The following RBM6 variants were observed in gnomAD, a reference collection of about 807,000 sequenced individuals.
RBM6 encodes RNA binding motif protein 6.
In RBM6, 23 loss-of-function variants were observed where a neutral mutation model predicts 140.4. The ratio of observed to expected loss-of-function variants is 0.16; its 90% CI spans 0.12 to 0.23. The LOEUF is 0.23. RBM6 is among the 10% of genes least tolerant of loss of function. RBM6 has a pLI of 1.00. For missense variants in RBM6, 1,139 were observed against 1,386.7 expected, an observed-to-expected ratio of 0.82 and a Z score of 2.84; for synonymous variants, 439 against 475.6, an observed-to-expected ratio of 0.92 and a Z score of 1.00.
intron 7 of RBM6, among the ~76,000 whole-genome samples, chr3:50,053,598 G>T (rs2089570215): frequency 6.6e-6 from 1 of 151,144 alleles, no homozygotes; most frequent in South Asian, 2.1e-4. Context: ...AACTCCATCT[G>T]GCAGACCTTT....
Position 50,066,223 on chromosome 3 carries a change from C to T in RBM6, c.2683-19C>T, listed in dbSNP as rs1362005598. ...ATATAGGTTGAATTTGGTATTGATC[C>T]CTGGCCTTCTCCTTCCAGCCTAAAG... On this transcript the variant is annotated intron_variant, in intron 16 of 20. Coordinates refer to ENST00000266022, the MANE Select transcript of RBM6 (RefSeq NM_005777.3). 3.1e-6 allele frequency: 5 copies of T among 1,600,104 alleles called. No individual in the cohort carries two copies. The highest frequency in any genetic ancestry group is 4.3e-6 in the Non-Finnish European group (5 of 1,171,692).
intron 5 of RBM6, among the ~76,000 whole-genome samples, chr3:49,994,131 A>G (rs2085958605): frequency 6.6e-6 from 1 of 152,202 alleles, no homozygotes; most frequent in Non-Finnish European, 1.5e-5. Context: ...TAGGCCAGTC[A>G]TGGCTCACTG....
intron 6 of RBM6, among the ~76,000 whole-genome samples, chr3:50,043,370 C>G (rs2089034693): frequency 6.6e-6 from 1 of 151,510 alleles, no homozygotes; most frequent in African/African-American, 2.4e-5. Context: ...GTAATCCCAG[C>G]TACTTGGGAG....
chr3:49,973,198 G>T (rs192784649), intron 4 of RBM6, among the ~76,000 whole-genome samples: 73 of 152,084 alleles, frequency 4.8e-4, no homozygotes, highest in Admixed American at 2.9e-3. Context: ...GCACAATCAC[G>T]GCTCACTGCA....
intron 6 of RBM6, among the ~76,000 whole-genome samples, chr3:50,015,046 CAAAAAAAA>C (rs71080566): frequency 1.5e-4 from 8 of 52,854 alleles, no homozygotes; most frequent in Admixed American, 3.0e-4. Flanking sequence ...GAGACTGTCT[CAAAAAAAA>C]AAAAAAAAAA....
At chr3:50,025,004 C>A (rs2624845) in intron 6 of RBM6, among the ~76,000 whole-genome samples, 95,722 of 149,028 alleles carry the variant, frequency 0.64, 31,313 homozygotes, top group East Asian at 0.88. Context: ...AAACAAAAAA[C>A]AAAAAACAAG....
intron 5 of RBM6, among the ~76,000 whole-genome samples, chr3:49,982,590 A>AT (rs944703000): frequency 3.3e-5 from 5 of 150,066 alleles, no homozygotes; most frequent in East Asian, 2.0e-4. Context: ...AATTTTTTGT[A>AT]TTTTTTTAGT....
At chr3:50,072,645 C>T (rs1242052310) in intron 19 of RBM6, among the ~76,000 whole-genome samples, 1 of 152,150 alleles carries the variant, frequency 6.6e-6, no homozygotes, top group Non-Finnish European at 1.5e-5. Context: ...AAAATACTTT[C>T]TTACCAGGTA....
chr3:50,062,397 A>G (rs955972859), intron 15 of RBM6, among the ~76,000 whole-genome samples: 1 of 151,806 alleles, frequency 6.6e-6, no homozygotes, highest in Non-Finnish European at 1.5e-5. Context: ...CCAGCTACTC[A>G]GGAGGCTGAG....
chr3:50,074,236 T>G (rs2090392257), intron 19 of RBM6, among the ~76,000 whole-genome samples: 1 of 152,204 alleles, frequency 6.6e-6, no homozygotes, highest in Non-Finnish European at 1.5e-5. Flanking sequence ...ACTCCTTATT[T>G]CGAGATCCAA....
In RBM6 at chr3:50,077,183, C is replaced by T. The variant is rs2090489397; in HGVS notation, c.*50C>T. On this transcript the variant is annotated 3_prime_UTR_variant, in exon 21 of 21. Transcript: ENST00000266022. The stretch of plus-strand genomic sequence containing the variant: ...ACAACCTCCCTCTTGTTTTGTTTGT[C>T]TCTCCTTTTCTTTTGTTACTGTTCT... 1 of 1,541,472 alleles carries T rather than the reference C, an allele frequency of 6.5e-7. No individual in the cohort carries two copies. Among genetic ancestry groups the T allele is most frequent in the Admixed American group, 2.0e-5 (1 of 49,022 alleles).
At chr3:50,066,654 C>A in intron 17 of RBM6, 152 bp downstream of exon 17, 2 of 1,011,574 alleles carry the variant, frequency 2.0e-6, no homozygotes, top group Non-Finnish European at 2.8e-6. Context: ...ATGGTGAAAC[C>A]CCCTTTGTAC....
rs1235251557 is a variant in RBM6, at chr3:50,068,716, A to G, written c.2970A>G (p.Ile990Met). Reference protein sequence around the residue: ...HKQNLEIHRKIKQSEQELAYL... With the variant: ...HKQNLEIHRKMKQSEQELAYL... ...AAAACCTGGAAATCCACCGGAAGAT[A>G]AAACAGTCTGAGCAGGAGCTAGCCT... The change falls in exon 18 of 21, where the codon ATA becomes ATG. Residue 990 changes from isoleucine (I) to methionine (M), a missense_variant. Ile to Met is a conservative substitution (Grantham distance 10, BLOSUM62 1). Around this residue, in one of 9 missense-constraint regions of RBM6, gnomAD observed 40 missense variants for 80.1 expected, o/e 0.50. Coordinates refer to ENST00000266022, the MANE Select transcript of RBM6 (RefSeq NM_005777.3). 1 of 1,614,160 alleles carries G rather than the reference A, an allele frequency of 6.2e-7. No homozygotes were observed. Among genetic ancestry groups the G allele is most frequent in the East Asian group, 2.2e-5 (1 of 44,874 alleles).
At chr3:50,007,354 A>G (rs2086630887) in intron 6 of RBM6, among the ~76,000 whole-genome samples, 2 of 150,756 alleles carry the variant, frequency 1.3e-5, no homozygotes, top group African/African-American at 4.9e-5. Flanking sequence ...GTGCCTGGCT[A>G]ATTTTGTATT....
intron 6 of RBM6, among the ~76,000 whole-genome samples, chr3:50,005,373 C>T (rs1420448629): frequency 1.3e-5 from 2 of 151,776 alleles, no homozygotes; most frequent in Non-Finnish European, 2.9e-5. Flanking sequence ...TGGCACATGC[C>T]TATTGTCCCA....
intron 12 of RBM6, 24 bp from the exon 13 acceptor site, chr3:50,061,116 T>C: frequency 6.2e-7 from 1 of 1,614,126 alleles, no homozygotes; most frequent in Non-Finnish European, 8.5e-7. Flanking sequence ...AGTTCTGTAA[T>C]TTTAACTTGC....
intron 5 of RBM6, among the ~76,000 whole-genome samples, chr3:49,991,705 T>A (rs2085834067): frequency 6.6e-6 from 1 of 152,088 alleles, no homozygotes; most frequent in South Asian, 2.1e-4. Context: ...AGTGGCCCAG[T>A]GGGGTTGCCG....
chr3:49,954,613 C>T (rs2083889678), intron 1 of RBM6, among the ~76,000 whole-genome samples: 1 of 151,918 alleles, frequency 6.6e-6, no homozygotes, highest in Admixed American at 6.6e-5. Flanking sequence ...TTTCCTTGGT[C>T]TGTATGTCTA....
rs2085018093 is a variant in RBM6 at position 49,975,359 on chromosome 3, G to A, written c.1450G>A (p.Val484Ile). The change falls in exon 5 of 21, where the codon GTA becomes ATA. Residue 484 changes from valine to isoleucine, a missense_variant. Val to Ile is a conservative substitution (Grantham distance 29). This residue lies in a region of RBM6 where 566 missense variants were observed against 612.7 expected (regional missense o/e 0.92). Transcript: ENST00000266022. The part of the protein sequence containing the change: ...NAFRTPDGMP[V>I]KNLQLKEYNT... ...TTTTCGGACTCCTGATGGCATGCCT[G>A]TAAAGAACTTGCAGTTGAAGGAGTA... 2 of 1,613,904 alleles carry A rather than the reference G, an allele frequency of 1.2e-6. No individual in the cohort carries two copies. The highest frequency in any genetic ancestry group is 1.3e-5 in the African/African-American group (1 of 75,052).
Sources: gnomAD v4.1 joint callset for allele counts (sites outside exome capture counted in the v4.1 genomes callset) on GRCh38, gnomAD v4.1.1 for gene constraint, gnomAD v4.1.1 regional missense constraint, MANE v1.5 for transcripts, NCBI Gene and HGNC (gene_info 2026-07-23, HGNC 2026-07-21) for gene names.